The following ATXN7 variants were observed in gnomAD, a reference collection of about 807,000 sequenced individuals.
The protein encoded by ATXN7 is ataxin 7.
In ATXN7, 12 loss-of-function variants were observed where a neutral mutation model predicts 70.5. The observed-to-expected ratio is 0.17, with a 90% CI of 0.11 to 0.28. The LOEUF is 0.28. ATXN7 is among the 10% of genes least tolerant of loss of function. The pLI, the probability that ATXN7 is intolerant of heterozygous loss-of-function variation, is 1.00. For synonymous variants in ATXN7, 498 were observed against 448.7 expected (o/e 1.11, Z -1.39); for missense variants, 1,256 against 1,131.7 (o/e 1.11, Z -1.58).
chr3:63,866,751 G>A lies in ATXN7; in HGVS notation c.-111+2593G>A, dbSNP rs577140680. On this transcript the variant is annotated intron_variant, in intron 1 of 12. Transcript: ENST00000674280. Reference sequence around the variant, plus strand: ...GAACATCTTTTAGTAAACTTTACAAGTGGTCTTCTTTTTACATATTAACAT... The same window carrying A: ...GAACATCTTTTAGTAAACTTTACAAATGGTCTTCTTTTTACATATTAACAT... The A allele has an allele frequency of 2.6e-5, 4 of 152,278 alleles. No individual in the cohort carries two copies. In the South Asian group the frequency reaches 8.3e-4, roughly 32 times the overall value. 9.4% of individuals were successfully genotyped at this position (152,278 alleles called of 1,614,324 possible).
chr3:63,910,153 T>G (rs1267717303), intron 2 of ATXN7, among the ~76,000 whole-genome samples: 2 of 152,260 alleles, frequency 1.3e-5, no homozygotes, highest in Non-Finnish European at 2.9e-5. Flanking sequence ...AATTGCTGCA[T>G]TGATCCCCAT....
intron 4 of ATXN7, among the ~76,000 whole-genome samples, chr3:63,927,941 A>G (rs1475315251): frequency 6.6e-6 from 1 of 152,232 alleles, no homozygotes. Context: ...ATGTTTTCTT[A>G]AAAGCTGGTG....
chr3:63,915,093 C>T (rs1227216778), intron 4 of ATXN7, among the ~76,000 whole-genome samples: 1 of 152,118 alleles, frequency 6.6e-6, no homozygotes, highest in Admixed American at 6.6e-5. Context: ...CGGGCCACCA[C>T]ACCCAGCTAA....
intron 1 of ATXN7, among the ~76,000 whole-genome samples, chr3:63,871,123 T>C (rs1435339670): frequency 1.3e-5 from 2 of 152,194 alleles, no homozygotes; most frequent in African/African-American, 4.8e-5. Context: ...TTTGCTTATT[T>C]TGCAGCAAGT....
chr3:63,895,801 G>A (rs571505852), intron 1 of ATXN7, among the ~76,000 whole-genome samples: 2 of 147,348 alleles, frequency 1.4e-5, no homozygotes, highest in African/African-American at 5.2e-5. Flanking sequence ...CTCTCTCTCT[G>A]TGTCTCTCTC....
At chr3:63,942,493 T>G (rs2074787525) in intron 4 of ATXN7, among the ~76,000 whole-genome samples, 1 of 152,098 alleles carries the variant, frequency 6.6e-6, no homozygotes, top group Non-Finnish European at 1.5e-5. Context: ...TTGTGTAGGG[T>G]TGTGAATTTT....
chr3:63,967,914 G>A (rs934818756), intron 5 of ATXN7: 1 of 1,535,922 alleles, frequency 6.5e-7, no homozygotes, highest in African/African-American at 1.4e-5. Context: ...TTCTGTGAAT[G>A]GAAGGTAGCA....
intron 9 of ATXN7, among the ~76,000 whole-genome samples, chr3:63,989,324 G>T (rs574565968): frequency 6.6e-6 from 1 of 152,302 alleles, no homozygotes; most frequent in South Asian, 2.1e-4. Context: ...AGAGACCATT[G>T]TAGGTGTAGG....
intron 4 of ATXN7, among the ~76,000 whole-genome samples, chr3:63,918,593 T>A (rs1704381537): frequency 6.6e-6 from 1 of 152,164 alleles, no homozygotes; most frequent in Admixed American, 6.5e-5. Flanking sequence ...AGCATATCAT[T>A]TCTTTTGGTT....
upstream of ATXN7, chr3:63,863,833 G>C: frequency 8.2e-7 from 1 of 1,212,490 alleles, no homozygotes; most frequent in Non-Finnish European, 1.0e-6. Flanking sequence ...CGCAAGCTGA[G>C]GCGGCGGTTG....
chr3:63,864,084 C>T lies in ATXN7; in HGVS notation c.-185C>T, dbSNP rs985480645. ...GCGGCGGCCCCGGCTGCAGCCCGGGCTCCCGCCGCCCCCCTTGCAGCCCCC... is the reference window on the plus strand; with the variant it reads ...GCGGCGGCCCCGGCTGCAGCCCGGGTTCCCGCCGCCCCCCTTGCAGCCCCC... On this transcript the variant is annotated 5_prime_UTR_variant, in exon 1 of 13. Transcript: ENST00000674280. 1.4e-5 allele frequency among the ~76,000 whole-genome samples: 2 copies of T among 146,014 alleles called. No homozygotes were observed. The highest frequency in any genetic ancestry group is 4.9e-5 in the African/African-American group (2 of 40,720).
At position 63,999,603 on chromosome 3, in the gene ATXN7, G is replaced by A; in HGVS notation, c.*136G>A. 6.7e-7 allele frequency: 1 copy of A among 1,484,234 alleles called. No homozygotes were observed. Among genetic ancestry groups the A allele is most frequent in the African/African-American group, 1.4e-5 (1 of 71,808 alleles). 91.9% of individuals were successfully genotyped at this position (1,484,234 alleles called of 1,614,324 possible). A position where few individuals can be genotyped will look rare whatever the true frequency, so the allele number is the denominator to read the frequency against. ...CTGTGGGCCTCAAGGGTAGAAACCTGCCGGGCTGTTGTTTTAACGAGGATT... is the reference window on the plus strand; with the variant it reads ...CTGTGGGCCTCAAGGGTAGAAACCTACCGGGCTGTTGTTTTAACGAGGATT... On this transcript the variant is annotated 3_prime_UTR_variant, in exon 13 of 13. Transcript: ENST00000674280.
At chr3:63,962,924 T>C (rs1003813597) in intron 5 of ATXN7, among the ~76,000 whole-genome samples, 9 of 151,010 alleles carry the variant, frequency 6.0e-5, no homozygotes, top group African/African-American at 2.2e-4. Context: ...TTTTTTTTTT[T>C]TTCTTCTTCA....
chr3:63,885,285 A>G (rs1180576119), intron 1 of ATXN7, among the ~76,000 whole-genome samples: 1 of 152,202 alleles, frequency 6.6e-6, no homozygotes, highest in Non-Finnish European at 1.5e-5. Context: ...CAATTAAAAA[A>G]GGAGAAAGAA....
chr3:63,935,106 A>G (rs2074634427), intron 4 of ATXN7, among the ~76,000 whole-genome samples: 1 of 152,156 alleles, frequency 6.6e-6, no homozygotes, highest in Non-Finnish European at 1.5e-5. Flanking sequence ...TAGGTAGCTT[A>G]GTAAAGGTAA....
At chr3:63,923,065 C>T (rs1202803888) in intron 4 of ATXN7, among the ~76,000 whole-genome samples, 1 of 152,192 alleles carries the variant, frequency 6.6e-6, no homozygotes, top group African/African-American at 2.4e-5. Flanking sequence ...CAGTTTCAGA[C>T]CGTGTCCTTT....
chr3:63,865,348 T>G (rs1702379081), intron 1 of ATXN7: 1 of 152,176 alleles, frequency 6.6e-6, no homozygotes, highest in Admixed American at 6.5e-5. Context: ...TTACTTTACA[T>G]GAAGATTCTG....
At chr3:63,863,843 GGCGGCGGC>G, upstream of ATXN7, 1 of 1,220,872 alleles carries the variant, frequency 8.2e-7, no homozygotes, top group Non-Finnish European at 1.0e-6. Context: ...GGCGGCGGTT[GGCGGCGGC>G]GGAGGTCAAA....
At chr3:63,956,810 C>G (rs2075047160) in intron 5 of ATXN7, among the ~76,000 whole-genome samples, 1 of 152,172 alleles carries the variant, frequency 6.6e-6, no homozygotes, top group Admixed American at 6.5e-5. Flanking sequence ...AGGGAGGCCC[C>G]TACTTTTTAA....
Sources: allele counts gnomAD v4.1 joint callset (sites outside exome capture counted in the v4.1 genomes callset), GRCh38; gene constraint gnomAD v4.1.1; transcripts MANE v1.5; gene names NCBI Gene and HGNC (gene_info 2026-07-23, HGNC 2026-07-21).